Variants in HORMAD2 observed in about 807,000 individuals in gnomAD.
The protein encoded by HORMAD2 is HORMA domain-containing protein 2.
HORMAD2 carries 45 observed loss-of-function variants against 38.8 expected under a neutral mutation model. The ratio of observed to expected loss-of-function variants is 1.16; its 90% CI spans 0.91 to 1.49. HORMAD2 has a LOEUF of 1.49. Ranked by LOEUF, HORMAD2 falls within the 40% of genes most tolerant of loss-of-function variation. HORMAD2 has a pLI of 0.00. For missense variants in HORMAD2, 338 were observed against 367.0 expected (o/e 0.92, Z 0.65); for synonymous variants, 126 against 122.8 (o/e 1.03, Z -0.17).
At chr22:30,148,806 C>T (rs1924575674) in intron 10 of HORMAD2, among the ~76,000 whole-genome samples, 3 of 152,110 alleles carry the variant, frequency 2.0e-5, no homozygotes, top group African/African-American at 7.2e-5. Context: ...AGATCAAGAC[C>T]ATCCTGGCTA....
chr22:30,102,957 C>T (rs1043047224), intron 3 of HORMAD2, among the ~76,000 whole-genome samples: 1 of 152,074 alleles, frequency 6.6e-6, no homozygotes, highest in Non-Finnish European at 1.5e-5. Flanking sequence ...TATGATATTC[C>T]TATTCTTCTT....
chr22:30,145,689 T>A (rs567692666), intron 10 of HORMAD2, among the ~76,000 whole-genome samples: 1 of 152,308 alleles, frequency 6.6e-6, no homozygotes, highest in Admixed American at 6.5e-5. Flanking sequence ...AGGGCCTCAG[T>A]GACTTATGTG....
At chr22:30,110,109 A>T (rs1480913832) in intron 5 of HORMAD2, among the ~76,000 whole-genome samples, 5 of 152,178 alleles carry the variant, frequency 3.3e-5, no homozygotes, top group Non-Finnish European at 5.9e-5. Flanking sequence ...ACAGTGTGAC[A>T]AGTATTTATA....
the HORMAD2 span, among the ~76,000 whole-genome samples, chr22:30,204,385 C>T: frequency 6.6e-6 from 1 of 151,860 alleles, no homozygotes; most frequent in Non-Finnish European, 1.5e-5. Flanking sequence ...GTGGTTAACA[C>T]TTATTTCATG....
At chr22:30,138,067 T>A (rs745384401) in intron 10 of HORMAD2, among the ~76,000 whole-genome samples, 73 of 152,270 alleles carry the variant, frequency 4.8e-4, no homozygotes, top group Non-Finnish European at 9.4e-4. Flanking sequence ...TTACCAGCAC[T>A]TGGTATTGTC....
At chr22:30,135,619 C>G (rs975347649) in intron 10 of HORMAD2, among the ~76,000 whole-genome samples, 1 of 152,120 alleles carries the variant, frequency 6.6e-6, no homozygotes, top group Non-Finnish European at 1.5e-5. Context: ...GGCAACTTAA[C>G]AATTCCCAGA....
intron 10 of HORMAD2, among the ~76,000 whole-genome samples, chr22:30,170,336 A>G (rs1826412849): frequency 6.6e-6 from 1 of 152,150 alleles, no homozygotes; most frequent in Non-Finnish European, 1.5e-5. Flanking sequence ...TTCCCCATGC[A>G]GGTCTACCTC....
chr22:30,174,963 G>A (rs1030174577), intron 10 of HORMAD2, among the ~76,000 whole-genome samples: 2 of 151,822 alleles, frequency 1.3e-5, no homozygotes, highest in Non-Finnish European at 1.5e-5. Flanking sequence ...TAAGCCAAAG[G>A]GAATTTGTGG....
chr22:30,183,699 T>C, the HORMAD2 span, among the ~76,000 whole-genome samples: 1 of 152,230 alleles, frequency 6.6e-6, no homozygotes, highest in Non-Finnish European at 1.5e-5. Context: ...CCAGTGATCA[T>C]ATGTAAAAAT....
intron 10 of HORMAD2, among the ~76,000 whole-genome samples, chr22:30,171,323 G>A (rs1008392164): frequency 6.6e-6 from 1 of 152,112 alleles, no homozygotes; most frequent in Non-Finnish European, 1.5e-5. Flanking sequence ...GGTTTTGTAG[G>A]CACTCCAAAT....
intron 10 of HORMAD2, 66 bp from the exon 11 acceptor site, chr22:30,175,997 T>C: frequency 9.8e-7 from 1 of 1,022,058 alleles, no homozygotes; most frequent in Non-Finnish European, 1.5e-6. Context: ...CTACCTGTCT[T>C]ATATATGTCT....
the HORMAD2 span, among the ~76,000 whole-genome samples, chr22:30,199,809 A>T: frequency 6.6e-6 from 1 of 151,048 alleles, no homozygotes; most frequent in Non-Finnish European, 1.5e-5. Context: ...TTCATCAGTG[A>T]TGATGACGAG....
chr22:30,083,709 G>T (rs532312014), intron 1 of HORMAD2, among the ~76,000 whole-genome samples: 2 of 152,118 alleles, frequency 1.3e-5, no homozygotes, highest in Admixed American at 1.3e-4. Flanking sequence ...TCCACCTCCC[G>T]GGTTCAAGCA....
chr22:30,143,459 T>G (rs1325666779), intron 10 of HORMAD2, among the ~76,000 whole-genome samples: 1 of 151,312 alleles, frequency 6.6e-6, no homozygotes, highest in Admixed American at 6.6e-5. Context: ...TGGCTGACAG[T>G]TTTTTTTTCC....
chr22:30,187,642 A>G, the HORMAD2 span, among the ~76,000 whole-genome samples: 1 of 152,038 alleles, frequency 6.6e-6, no homozygotes, highest in South Asian at 2.1e-4. Context: ...TGTGTTAAGT[A>G]CTGGCCCAGC....
intron 10 of HORMAD2, among the ~76,000 whole-genome samples, chr22:30,164,241 A>G (rs1382537004): frequency 6.6e-6 from 1 of 152,182 alleles, no homozygotes; most frequent in Non-Finnish European, 1.5e-5. Context: ...GTTATTGTGA[A>G]TAACGCTGCT....
intron 1 of HORMAD2, among the ~76,000 whole-genome samples, chr22:30,086,245 G>T (rs1304360537): frequency 6.6e-6 from 1 of 152,062 alleles, no homozygotes; most frequent in Non-Finnish European, 1.5e-5. Flanking sequence ...CCCCAGCTAT[G>T]CTTCCTGTGT....
At chr22:30,118,665 T>C (rs1922221973) in intron 7 of HORMAD2, among the ~76,000 whole-genome samples, 1 of 152,226 alleles carries the variant, frequency 6.6e-6, no homozygotes, top group Non-Finnish European at 1.5e-5. Context: ...GTTACATGAA[T>C]GAATGGTTTC....
At chr22:30,201,201 G>A in the HORMAD2 span, among the ~76,000 whole-genome samples, 2 of 152,028 alleles carry the variant, frequency 1.3e-5, no homozygotes, top group African/African-American at 2.4e-5. Context: ...TTCTTGGCAC[G>A]CAGGCCCATC....
Sources: gnomAD v4.1 joint callset for allele counts (sites outside exome capture counted in the v4.1 genomes callset) on GRCh38, gnomAD v4.1.1 for gene constraint, MANE v1.5 for transcripts, NCBI Gene and HGNC (gene_info 2026-07-23, HGNC 2026-07-21) for gene names.